The following COL11A1 variants were observed in gnomAD, a reference collection of about 807,000 sequenced individuals.
COL11A1 encodes collagen alpha-1(XI) chain.
COL11A1 carries 74 observed loss-of-function variants against 265.2 expected under a neutral mutation model. The observed-to-expected ratio is 0.28, with a 90% CI of 0.23 to 0.34. The LOEUF (loss-of-function observed/expected upper bound fraction) is 0.34. Ranked by LOEUF, COL11A1 falls within the 10% of genes least tolerant of loss-of-function variation. The pLI, the probability that COL11A1 is intolerant of heterozygous loss-of-function variation, is 1.00. For missense variants in COL11A1, 2,165 were observed against 2,263.6 expected, an observed-to-expected ratio of 0.96 and a Z score of 0.88; for synonymous variants, 816 against 727.6, an observed-to-expected ratio of 1.12 and a Z score of -1.96.
At chr1:103,001,388 C>T (rs1665095634) in intron 24 of COL11A1, 1 of 398,914 alleles carries the variant, frequency 2.5e-6, no homozygotes, top group African/African-American at 2.1e-5. Context: ...CTACAGGGGA[C>T]AAAATATTAC....
rs72985779 is a variant in COL11A1 at position 102,984,430 on chromosome 1, G to A, written c.2503-239C>T. On this transcript the variant is annotated intron_variant, in intron 30 of 66. Transcript: ENST00000370096. ...CTTAACCTTTATTATATAAGTGGTA[G>A]TGCCTTCTTTAGGTACATGAACCCT... Among the ~76,000 whole-genome samples the A allele has an allele frequency of 8.5e-3, 1,292 of 152,102 alleles. 24 individuals are homozygous for A. The highest frequency in any genetic ancestry group is 0.029 in the African/African-American group (1,222 of 41,548).
At chr1:103,087,951 AG>A (rs1329655088) in intron 1 of COL11A1, among the ~76,000 whole-genome samples, 9 of 152,162 alleles carry the variant, frequency 5.9e-5, no homozygotes, top group African/African-American at 2.2e-4. Context: ...TGAAATCCTC[AG>A]GCTATCTAGT....
At chr1:103,043,420 C>T (rs189222165) in intron 4 of COL11A1, among the ~76,000 whole-genome samples, 98 of 151,876 alleles carry the variant, frequency 6.5e-4, no homozygotes, top group Non-Finnish European at 1.3e-3. Context: ...CTATTTTGTT[C>T]AATTAAATTC....
At chr1:102,891,390 AT>A (rs1281003175) in intron 57 of COL11A1, among the ~76,000 whole-genome samples, 1 of 151,862 alleles carries the variant, frequency 6.6e-6, no homozygotes, top group South Asian at 2.1e-4. Context: ...AAAGAAATTT[AT>A]TTTTTATATA....
At position 102,959,580 on chromosome 1, in the gene COL11A1, CTT is replaced by C. The variant is rs143054472; in HGVS notation, c.3168+2284_3168+2285del. Among the ~76,000 whole-genome samples, 465 of 152,204 alleles carry C rather than the reference CTT, an allele frequency of 3.1e-3. 3 individuals are homozygous for C. Among genetic ancestry groups the C allele is most frequent in the African/African-American group, 0.011 (447 of 41,534 alleles). On this transcript the variant is annotated intron_variant, in intron 41 of 66. Transcript: ENST00000370096. ...CAACCAACTTACAGTGCTATTTAGT[CTT>C]TGGTGTATTTCTTTTCAAAATTGTT...
intron 1 of COL11A1, among the ~76,000 whole-genome samples, chr1:103,094,371 T>C (rs1038271554): frequency 3.3e-5 from 5 of 152,172 alleles, no homozygotes; most frequent in Admixed American, 2.6e-4. Context: ...TGCCTTCTTT[T>C]ATCACATAGA....
At position 102,898,929 on chromosome 1, in the gene COL11A1, T is replaced by C. The variant is rs1323503190; in HGVS notation, c.4140+12A>G. ...TATAATATATATTATGTATATATTA[T>C]TTTTTTTTTACCTTAGCACCTTTTT... is the stretch of plus-strand genomic sequence containing the variant. On this transcript the variant is annotated intron_variant, in intron 55 of 66. Coordinates refer to ENST00000370096, the MANE Select transcript of COL11A1 (RefSeq NM_001854.4). 2.2e-6 allele frequency: 2 copies of C among 929,124 alleles called. No individual in the cohort carries two copies. Among genetic ancestry groups the C allele is most frequent in the Non-Finnish European group, 1.5e-6 (1 of 675,344 alleles). 57.6% of individuals were successfully genotyped at this position (929,124 alleles called of 1,614,324 possible). A position where few individuals can be genotyped will look rare whatever the true frequency, so the allele number is the denominator to read the frequency against.
At chr1:102,899,969 A>G (rs1218553265) in intron 54 of COL11A1, among the ~76,000 whole-genome samples, 1 of 152,248 alleles carries the variant, frequency 6.6e-6, no homozygotes, top group Non-Finnish European at 1.5e-5. Context: ...GCATTGCTTC[A>G]GTGATGGATG....
rs1661035471 is a variant in COL11A1, at chr1:102,962,703, G to A, written c.2974C>T (p.Pro992Ser). The change falls in exon 39 of 67, where the codon CCT (proline) becomes TCT (serine). Residue 992 changes from proline to serine, a missense_variant. Pro to Ser is a moderately conservative substitution (Grantham distance 74, BLOSUM62 -1). Coordinates refer to ENST00000370096, the MANE Select transcript of COL11A1 (RefSeq NM_001854.4). ...GERGHPGPPG[P>S]PGEQGLPGAA... ...CCAGGAAGACCTTGCTCACCAGGAG[G>A]GCCAGGAGGGCCAGGATGCCCACGT... The A allele has an allele frequency of 6.2e-7, 1 of 1,613,926 alleles. No individual in the cohort carries two copies. Among genetic ancestry groups the A allele is most frequent in the Admixed American group, 1.7e-5 (1 of 59,986 alleles).
chr1:103,031,989 C>CTG (rs35884381), intron 4 of COL11A1, among the ~76,000 whole-genome samples: 12,276 of 151,944 alleles, frequency 0.081, 554 homozygotes, highest in Middle Eastern at 0.15. Flanking sequence ...CTTTTGGAAA[C>CTG]TGCAAACAAG....
intron 54 of COL11A1, among the ~76,000 whole-genome samples, chr1:102,902,077 G>A (rs181754840): frequency 2.0e-5 from 3 of 152,288 alleles, no homozygotes; most frequent in Admixed American, 6.5e-5. Flanking sequence ...GAATCTTACA[G>A]TGTGAGTTGA....
intron 4 of COL11A1, among the ~76,000 whole-genome samples, chr1:103,040,489 A>C (rs1668725568): frequency 6.6e-6 from 1 of 151,486 alleles, no homozygotes. Flanking sequence ...CTTATGTAAA[A>C]ATTTAAATTA....
Position 102,946,973 on chromosome 1 carries a change from G to A in COL11A1, c.3169-17C>T. On this transcript the variant is annotated splice_polypyrimidine_tract_variant and intron_variant, in intron 41 of 66. Transcript: ENST00000370096. ...TGGTGAGCCCTAGTATACAGGAAAA[G>A]AAGTATTTTGTTATTAAAGAAAGTA... is the stretch of plus-strand genomic sequence containing the variant. The A allele has an allele frequency of 6.3e-7, 1 of 1,591,002 alleles. No homozygotes were observed. Among genetic ancestry groups the A allele is most frequent in the Non-Finnish European group, 8.6e-7 (1 of 1,163,188 alleles).
chr1:103,064,761 G>T (rs1234457746), intron 4 of COL11A1, among the ~76,000 whole-genome samples: 2 of 151,562 alleles, frequency 1.3e-5, no homozygotes, highest in African/African-American at 4.8e-5. Flanking sequence ...TGGCGAAAGG[G>T]GCTAAACTGA....
At position 102,935,830 on chromosome 1, in the gene COL11A1, G is replaced by T. The variant is rs192265263; in HGVS notation, c.3439-717C>A. On this transcript the variant is annotated intron_variant, in intron 44 of 66. Transcript: ENST00000370096. ...AACTGTTAAAGCAAGATTTTGAAAA[G>T]CTGGTTCATGGGCCATTGGGAGTTC... Among the ~76,000 whole-genome samples the T allele has an allele frequency of 2.0e-3, 305 of 152,238 alleles. 2 individuals carry two copies. Among genetic ancestry groups the T allele is most frequent in the African/African-American group, 7.0e-3 (291 of 41,546 alleles).
At chr1:103,002,944 T>C (rs1557930214) in intron 21 of COL11A1, among the ~76,000 whole-genome samples, 153 bp from the exon 22 acceptor site, 2 of 152,212 alleles carry the variant, frequency 1.3e-5, no homozygotes, top group African/African-American at 4.8e-5. Flanking sequence ...ACAAGACCTA[T>C]ACTTTCTTTT....
chr1:102,974,467 G>A (rs1662273380), intron 36 of COL11A1, among the ~76,000 whole-genome samples: 1 of 152,012 alleles, frequency 6.6e-6, no homozygotes. Context: ...ATTTGAAGAA[G>A]GTTATTTTGA....
chr1:103,019,386 G>A (rs1666813205), intron 9 of COL11A1, among the ~76,000 whole-genome samples: 1 of 151,992 alleles, frequency 6.6e-6, no homozygotes, highest in Non-Finnish European at 1.5e-5. Context: ...TAAGAACTCA[G>A]TTCTAAAACA....
chr1:102,928,435 A>AT (rs1211861662), intron 46 of COL11A1, among the ~76,000 whole-genome samples: 2 of 151,882 alleles, frequency 1.3e-5, no homozygotes, highest in Admixed American at 6.6e-5. Context: ...TGAACTCATC[A>AT]TTTTTTATGG....
Sources: gnomAD v4.1 joint callset for allele counts (sites outside exome capture counted in the v4.1 genomes callset) on GRCh38, gnomAD v4.1.1 for gene constraint, MANE v1.5 for transcripts, NCBI Gene and HGNC (gene_info 2026-07-23, HGNC 2026-07-21) for gene names.